Variants in LRBA observed in about 807,000 individuals in gnomAD.
The protein encoded by LRBA is lipopolysaccharide-responsive and beige-like anchor protein.
In LRBA, 176 loss-of-function variants were observed where a neutral mutation model predicts 330.0. The ratio of observed to expected loss-of-function variants is 0.53; its 90% confidence interval spans 0.47 to 0.60. The LOEUF is 0.60. Among genes scored for constraint, LRBA ranks in the 20% least tolerant of loss-of-function variants. The pLI is 0.00. For missense variants in LRBA, 3,259 were observed against 3,444.8 expected (o/e 0.95, Z 1.35); for synonymous variants, 1,230 against 1,193.0 (o/e 1.03, Z -0.64).
intron 37 of LRBA, among the ~76,000 whole-genome samples, chr4:150,615,260 C>G (rs1775661018): frequency 6.6e-6 from 1 of 152,104 alleles, no homozygotes; most frequent in African/African-American, 2.4e-5. Context: ...TAGGTTATAA[C>G]AAGAATTTGA....
At chr4:150,968,185 G>A (rs1410554223) in intron 2 of LRBA, among the ~76,000 whole-genome samples, 1 of 151,884 alleles carries the variant, frequency 6.6e-6, no homozygotes, top group Non-Finnish European at 1.5e-5. Flanking sequence ...TTGTATTTTA[G>A]TAGGGATGGG....
chr4:150,289,243 A>G (rs1446739485), intron 53 of LRBA, among the ~76,000 whole-genome samples: 1 of 152,130 alleles, frequency 6.6e-6, no homozygotes, highest in Admixed American at 6.5e-5. Context: ...GTTTCCAATA[A>G]TCCAAACTTT....
At chr4:150,301,998 C>T (rs1041581298) in intron 53 of LRBA, among the ~76,000 whole-genome samples, 16 of 151,948 alleles carry the variant, frequency 1.1e-4, no homozygotes, top group Admixed American at 2.6e-4. Context: ...CAGCTGTGTG[C>T]GATTGGTTTT....
chr4:150,341,650 T>G (rs1306965694), intron 48 of LRBA, among the ~76,000 whole-genome samples: 1 of 152,042 alleles, frequency 6.6e-6, no homozygotes, highest in East Asian at 1.9e-4. Flanking sequence ...TTTCTTAACC[T>G]GGGTTAGAAA....
chr4:150,439,498 G>T (rs1460020370), intron 44 of LRBA, among the ~76,000 whole-genome samples: 1 of 151,254 alleles, frequency 6.6e-6, no homozygotes, highest in East Asian at 1.9e-4. Flanking sequence ...CCAAATAAAA[G>T]AAAGTTAAAA....
chr4:150,664,024 C>T (rs1056895350), intron 37 of LRBA, among the ~76,000 whole-genome samples: 2 of 152,102 alleles, frequency 1.3e-5, no homozygotes. Context: ...TCGCAAGTTG[C>T]TTGGTGTGGT....
At chr4:150,295,593 TG>T (rs1176328868) in intron 53 of LRBA, among the ~76,000 whole-genome samples, 1 of 152,172 alleles carries the variant, frequency 6.6e-6, no homozygotes, top group African/African-American at 2.4e-5. Context: ...AATGAAAAAT[TG>T]CTTCCAAATC....
At chr4:150,739,998 T>C (rs1317203209) in intron 35 of LRBA, among the ~76,000 whole-genome samples, 1 of 152,212 alleles carries the variant, frequency 6.6e-6, no homozygotes, top group Admixed American at 6.5e-5. Context: ...ATAACAAATG[T>C]ATGTTTCTTT....
intron 40 of LRBA, among the ~76,000 whole-genome samples, chr4:150,510,914 G>T (rs921554581): frequency 6.6e-6 from 1 of 151,964 alleles, no homozygotes; most frequent in Admixed American, 6.5e-5. Context: ...GGAGTGCAGT[G>T]GCGTGATCTT....
intron 36 of LRBA, among the ~76,000 whole-genome samples, chr4:150,719,482 T>C (rs1433236649): frequency 4.6e-5 from 7 of 151,880 alleles, no homozygotes; most frequent in Non-Finnish European, 1.0e-4. Context: ...AAAAACAAAT[T>C]AGCAAAAAAT....
chr4:150,776,849 TATAGA>T (rs1353225316), intron 34 of LRBA, among the ~76,000 whole-genome samples: 2 of 152,088 alleles, frequency 1.3e-5, no homozygotes, highest in African/African-American at 2.4e-5. Flanking sequence ...GCCCTAAATA[TATAGA>T]ATAGTAGATG....
At chr4:150,517,217 G>T (rs1301391326) in intron 40 of LRBA, among the ~76,000 whole-genome samples, 1 of 152,066 alleles carries the variant, frequency 6.6e-6, no homozygotes, top group East Asian at 1.9e-4. Flanking sequence ...TACGTACTAG[G>T]TTGCAAATAT....
chr4:150,930,990 T>C (rs76387262), intron 2 of LRBA, among the ~76,000 whole-genome samples: 214 of 152,338 alleles, frequency 1.4e-3, no homozygotes, highest in Non-Finnish European at 2.6e-3. Context: ...AAATATTCCA[T>C]TCTACTTGAA....
At chr4:150,765,178 T>C (rs1331014432) in intron 34 of LRBA, among the ~76,000 whole-genome samples, 1 of 151,772 alleles carries the variant, frequency 6.6e-6, no homozygotes. Context: ...AAAGGTTACA[T>C]ACTGTATGAT....
Position 150,373,888 on chromosome 4 carries a change from T to C in LRBA, c.7195-23729A>G, listed in dbSNP as rs143129691. Among the ~76,000 whole-genome samples, 615 of 152,298 alleles carry C rather than the reference T, an allele frequency of 4.0e-3. 3 individuals are homozygous for C. Among genetic ancestry groups the C allele is most frequent in the African/African-American group, 0.013 (552 of 41,566 alleles). ...ATTAATTCAGTGCCCTCATACCATC[T>C]AAAAATATGCTATGTACTGGTTTTC... On this transcript the variant is annotated intron_variant, in intron 47 of 56. Transcript: ENST00000651943.
chr4:150,526,694 G>A (rs1423062715), intron 40 of LRBA, among the ~76,000 whole-genome samples: 1 of 151,984 alleles, frequency 6.6e-6, no homozygotes. Flanking sequence ...TTTCCCTTGC[G>A]ACTTCTTTCC....
intron 40 of LRBA, among the ~76,000 whole-genome samples, chr4:150,504,689 C>A (rs914979236): frequency 6.6e-6 from 1 of 152,136 alleles, no homozygotes; most frequent in East Asian, 1.9e-4. Flanking sequence ...CATCAACTAA[C>A]GAGCAAAATA....
chr4:150,930,907 G>A lies in LRBA; in HGVS notation c.217-1842C>T, dbSNP rs536127462. ...AGTCAATTCTCCTAGTTACATGGCCGTAGCTAAAAAGTATACGTGCTTGGT... is the reference window on the plus strand; with the variant it reads ...AGTCAATTCTCCTAGTTACATGGCCATAGCTAAAAAGTATACGTGCTTGGT... On this transcript the variant is annotated intron_variant, in intron 2 of 56. Coordinates refer to ENST00000651943, the MANE Select transcript of LRBA (RefSeq NM_001364905.1). Among the ~76,000 whole-genome samples, 126 of 152,282 alleles carry A rather than the reference G, an allele frequency of 8.3e-4. 1 individual carries two copies. Among genetic ancestry groups the A allele is most frequent in the African/African-American group, 2.6e-3 (109 of 41,566 alleles).
chr4:150,725,919 C>T (rs1445964919), intron 36 of LRBA, among the ~76,000 whole-genome samples: 3 of 152,028 alleles, frequency 2.0e-5, no homozygotes, highest in Admixed American at 6.6e-5. Flanking sequence ...GTGAAGTTGC[C>T]ATTAGTTTTA....
Sources: allele counts gnomAD v4.1 joint callset (sites outside exome capture counted in the v4.1 genomes callset), GRCh38; gene constraint gnomAD v4.1.1; transcripts MANE v1.5; gene names NCBI Gene and HGNC (gene_info 2026-07-23, HGNC 2026-07-21).